Variants in CEP72 observed in about 807,000 individuals in gnomAD.
The protein encoded by CEP72 is centrosomal protein of 72 kDa.
In CEP72, 78 loss-of-function variants were observed where a neutral mutation model predicts 65.7. The observed-to-expected ratio is 1.19, with a 90% CI of 0.99 to 1.43. The LOEUF is 1.43. CEP72 is among the 40% of genes most tolerant of loss of function. The probability of loss-of-function intolerance (pLI) is 0.00; values close to 1 mark genes in which losing one functional copy is unlikely to be tolerated. For synonymous variants in CEP72, 358 were observed against 351.7 expected (o/e 1.02, Z -0.20); for missense variants, 914 against 832.9 (o/e 1.10, Z -1.20).
chr5:673,508 C>CAAGCCCGGG, the CEP72 span, among the ~76,000 whole-genome samples: 2 of 152,140 alleles, frequency 1.3e-5, no homozygotes, highest in Non-Finnish European at 2.9e-5. Context: ...AGGCCGGAGT[C>CAAGCCCGGG]CCAGTCCTGG....
chr5:646,651 G>A (rs1738442957), intron 10 of CEP72, among the ~76,000 whole-genome samples: 1 of 152,202 alleles, frequency 6.6e-6, no homozygotes, highest in African/African-American at 2.4e-5. Flanking sequence ...CTGAGGGATT[G>A]CACGGCTGCC....
rs1736625196 is a variant in CEP72 at position 624,636 on chromosome 5, A to G, written c.512+57A>G. The G allele has an allele frequency of 1.9e-5, 23 of 1,226,984 alleles. No homozygotes were observed. The Middle Eastern group carries it at 5.6e-4, about 30-fold the overall frequency. 76.0% of individuals were successfully genotyped at this position (1,226,984 alleles called of 1,614,324 possible). A position where few individuals can be genotyped will look rare whatever the true frequency, so the allele number is the denominator to read the frequency against. ...TGTTTCTGACTGGCCTGCTGTCAGG[A>G]GGATTAACCGAACGTCATTCACTGT... On this transcript the variant is annotated intron_variant, in intron 4 of 11. Transcript: ENST00000264935. The surrounding 1 kb of genome is among the most constrained non-coding windows in gnomAD (Gnocchi z 4.7).
exon 3 of CEP72, chr5:665,185 C>T (rs770675558): frequency 6.8e-6 from 11 of 1,613,684 alleles, no homozygotes; most frequent in Admixed American, 1.7e-5. Context: ...ACCAGATCCA[C>T]GCGGCCAGCC....
At chr5:663,206 G>A (rs896376188) in intron 1 of CEP72, 26 of 150,914 alleles carry the variant, frequency 1.7e-4, no homozygotes, top group African/African-American at 5.6e-4. Context: ...GTGACCGCTC[G>A]TCTGTGATCG....
intron 6 of CEP72, among the ~76,000 whole-genome samples, chr5:637,311 C>T (rs558568270): frequency 2.0e-5 from 3 of 152,308 alleles, no homozygotes; most frequent in Non-Finnish European, 2.9e-5. Flanking sequence ...TTTCTTCCCT[C>T]GGCACCCTCC....
intron 4 of CEP72, among the ~76,000 whole-genome samples, chr5:627,424 A>G (rs562078694): frequency 2.7e-5 from 4 of 150,288 alleles, no homozygotes; most frequent in African/African-American, 4.9e-5. Context: ...TGCCCTGTAC[A>G]TGGAACTCAG....
rs1738333014 is a variant in CEP72 at position 645,192 on chromosome 5, C to T, written c.1666+767C>T. Among the ~76,000 whole-genome samples, 1 of 152,038 alleles carries T rather than the reference C, an allele frequency of 6.6e-6. No homozygotes were observed. Among genetic ancestry groups the T allele is most frequent in the Non-Finnish European group, 1.5e-5 (1 of 68,012 alleles). ...GGCGTGTGGGTCTCACGATGTCTGT[C>T]CCAACCAGCGGTGGCCTTTGCGGCA... On this transcript the variant is annotated intron_variant, in intron 10 of 11. Transcript: ENST00000264935. The surrounding 1 kb of genome is among the most constrained non-coding windows in gnomAD (Gnocchi z 4.0).
chr5:665,415 A>AT, intron 3 of CEP72: 5 of 915,812 alleles, frequency 5.5e-6, no homozygotes, highest in Non-Finnish European at 6.5e-6. Flanking sequence ...AGGGGCATAA[A>AT]CCCTGGGATT....
rs1737717480 is a variant in CEP72, at chr5:637,826, A to G, written c.1206+8A>G. ...GTGACCGACACCAGAGAGGTGAGAG[A>G]AGGGCTGGGGAGCAGCAGGCCCACG... is the stretch of plus-strand genomic sequence containing the variant. On this transcript the variant is annotated splice_region_variant and intron_variant, in intron 7 of 11. Coordinates refer to ENST00000264935, the MANE Select transcript of CEP72 (RefSeq NM_018140.4). 2 of 1,538,016 alleles carry G rather than the reference A, an allele frequency of 1.3e-6. No homozygotes were observed. The highest frequency in any genetic ancestry group is 2.0e-5 in the Admixed American group (1 of 50,084).
chr5:627,943 C>T (rs375878470), intron 4 of CEP72, among the ~76,000 whole-genome samples: 13 of 152,338 alleles, frequency 8.5e-5, no homozygotes, highest in South Asian at 4.1e-4. Flanking sequence ...CCAGCGGCAA[C>T]GTGTGGATGC....
At chr5:643,676 C>T in intron 9 of CEP72, 3 of 985,246 alleles carry the variant, frequency 3.0e-6, no homozygotes, top group African/African-American at 1.7e-5. Flanking sequence ...CCAGGTGAGA[C>T]GGGATCCCTG....
intron 1 of CEP72, among the ~76,000 whole-genome samples, chr5:616,796 G>A (rs989024933): frequency 1.6e-5 from 2 of 127,604 alleles, no homozygotes; most frequent in Non-Finnish European, 3.4e-5. Context: ...TGGACGAGGG[G>A]TGTGTGTGTG....
At chr5:618,207 G>A (rs771441752) in intron 1 of CEP72, among the ~76,000 whole-genome samples, 4 of 152,166 alleles carry the variant, frequency 2.6e-5, no homozygotes, top group African/African-American at 9.7e-5. Context: ...GGGAAGAAGC[G>A]TGTGGGCTTG....
intron 3 of CEP72, chr5:665,938 C>CCCCCCCCCCCCCAA: frequency 7.3e-7 from 1 of 1,366,602 alleles, no homozygotes; most frequent in Non-Finnish European, 9.7e-7. Context: ...CCACCCCCTC[C>CCCCCCCCCCCCCAA]AGGCCCCGCC....
rs1379689975 is a variant in CEP72, at chr5:624,111, G to C, written c.404-360G>C. 6.6e-6 allele frequency among the ~76,000 whole-genome samples: 1 copy of C among 152,166 alleles called. No homozygotes were observed. The highest frequency in any genetic ancestry group is 1.5e-5 in the Non-Finnish European group (1 of 68,032). On this transcript the variant is annotated intron_variant, in intron 3 of 11. Transcript: ENST00000264935. This position sits in a 1 kb window ranked among gnomAD's most constrained non-coding sequence, Gnocchi z 4.7. ...GGCCTCCTGGAAGTTGCAGCCTCTC[G>C]GGCCGGGCAGGCTCCCTCCGTGGAG...
At chr5:628,693 G>A (rs1280762000) in intron 4 of CEP72, among the ~76,000 whole-genome samples, 2 of 120,994 alleles carry the variant, frequency 1.7e-5, no homozygotes, top group African/African-American at 3.0e-5. Flanking sequence ...CACAGGCCCC[G>A]GGGAGTGTTC....
At chr5:635,157 G>C (rs893733353) in intron 5 of CEP72, among the ~76,000 whole-genome samples, 1 of 152,172 alleles carries the variant, frequency 6.6e-6, no homozygotes, top group East Asian at 1.9e-4. Flanking sequence ...TTGCAGCCTT[G>C]TCCTGAGTCT....
chr5:660,188 G>C (rs1739524967), downstream of CEP72: 1 of 146,488 alleles, frequency 6.8e-6, no homozygotes, highest in African/African-American at 2.6e-5. Context: ...ATCACACAGT[G>C]TAAAAATATA....
chr5:613,403 C>G (rs1253203484), intron 1 of CEP72, among the ~76,000 whole-genome samples: 3 of 152,056 alleles, frequency 2.0e-5, no homozygotes, highest in Non-Finnish European at 4.4e-5. Context: ...CGGAGTCTCA[C>G]TCTGTCGTCC....
Sources: gnomAD v4.1 joint callset for allele counts (sites outside exome capture counted in the v4.1 genomes callset) on GRCh38, gnomAD v4.1.1 for gene constraint, Gnocchi (gnomAD v3.1) non-coding constraint, MANE v1.5 for transcripts, NCBI Gene and HGNC (gene_info 2026-07-23, HGNC 2026-07-21) for gene names.